The following NRG1 variants were observed in gnomAD, a reference collection of about 807,000 sequenced individuals.
NRG1 encodes neuregulin 1, also known as pro-neuregulin-1, membrane-bound isoform.
A neutral mutation model predicts 63.8 loss-of-function variants in NRG1; 18 were observed. That is an observed-to-expected ratio of 0.28 (90% confidence interval 0.19 to 0.42). NRG1 has a LOEUF of 0.42. NRG1 is among the 10% of genes least tolerant of loss of function. NRG1 has a pLI of 1.00. For synonymous variants in NRG1, 302 were observed against 301.3 expected (o/e 1.00, Z -0.02); for missense variants, 762 against 814.7 (o/e 0.94, Z 0.79).
chr8:32,478,442 C>T (rs531923301), intron 1 of NRG1, among the ~76,000 whole-genome samples: 6 of 152,304 alleles, frequency 3.9e-5, no homozygotes, highest in African/African-American at 7.2e-5. Context: ...GTGTAGGACA[C>T]GCCTATGCTA....
At chr8:32,020,516 T>G (rs992972317) in intron 1 of NRG1, among the ~76,000 whole-genome samples, 3 of 152,176 alleles carry the variant, frequency 2.0e-5, no homozygotes, top group African/African-American at 7.2e-5. Context: ...TAATGTGGAA[T>G]GGGTGATAAT....
Position 32,027,466 on chromosome 8 carries a change from T to TTCCCTCCCTCCC in NRG1, c.37+388045_37+388056dup, listed in dbSNP as rs71208162. Among the ~76,000 whole-genome samples, 420 of 60,808 alleles carry TTCCCTCCCTCCC rather than the reference T, an allele frequency of 6.9e-3. 10 individuals are homozygous for TTCCCTCCCTCCC. Among genetic ancestry groups the TTCCCTCCCTCCC allele is most frequent in the African/African-American group, 0.026 (325 of 12,456 alleles). The allele number at this position is 60,808 out of a possible 152,430, so 39.9% of individuals were successfully genotyped here. On this transcript the variant is annotated intron_variant, in intron 1 of 10. Coordinates refer to the NRG1 transcript ENST00000519301. ...CTTCCTTCCTTCCTTCCTTCCTTCCTTCCCTCCCTCCCTCCCTCCCTAATC... is the reference window on the plus strand; with the variant it reads ...CTTCCTTCCTTCCTTCCTTCCTTCCTTCCCTCCCTCCCTCCCTCCCTCCCTCCCTCCCTAATC...
At chr8:32,055,412 A>G (rs1313663861) in intron 1 of NRG1, among the ~76,000 whole-genome samples, 1 of 152,180 alleles carries the variant, frequency 6.6e-6, no homozygotes, top group Non-Finnish European at 1.5e-5. Context: ...GGGAATTAAT[A>G]TAATAGATTT....
chr8:32,038,673 T>G (rs1416549394), intron 1 of NRG1, among the ~76,000 whole-genome samples: 1 of 152,144 alleles, frequency 6.6e-6, no homozygotes, highest in Admixed American at 6.5e-5. Context: ...GAAATTCTGA[T>G]TCAATACGGA....
intron 1 of NRG1, among the ~76,000 whole-genome samples, chr8:32,420,327 AG>A (rs1816544749): frequency 6.6e-6 from 1 of 152,288 alleles, no homozygotes; most frequent in Non-Finnish European, 1.5e-5. Flanking sequence ...GAGAAAGAAA[AG>A]TTCCAAAAAC....
intron 1 of NRG1, among the ~76,000 whole-genome samples, chr8:31,749,815 C>A (rs969028850): frequency 6.6e-6 from 1 of 151,326 alleles, no homozygotes; most frequent in Non-Finnish European, 1.5e-5. Context: ...TAAGTGTTTG[C>A]AAATTAAGGC....
At chr8:32,490,466 T>G (rs765860431) in intron 1 of NRG1, among the ~76,000 whole-genome samples, 1 of 141,838 alleles carries the variant, frequency 7.1e-6, no homozygotes, top group African/African-American at 2.6e-5. Context: ...GGCATAATGA[T>G]ATGCAGGACT....
At chr8:31,891,172 ACCT>A in intron 1 of NRG1, among the ~76,000 whole-genome samples, 1 of 152,134 alleles carries the variant, frequency 6.6e-6, no homozygotes, top group African/African-American at 2.4e-5. Flanking sequence ...AAAATTAAAA[ACCT>A]TTGCCCTGCA....
chr8:31,763,622 G>A (rs1817764188), intron 1 of NRG1, among the ~76,000 whole-genome samples: 1 of 152,160 alleles, frequency 6.6e-6, no homozygotes, highest in Non-Finnish European at 1.5e-5. Flanking sequence ...TGCTAGATGT[G>A]AGAATGGAAA....
At chr8:31,650,803 T>C (rs1804763027) in intron 1 of NRG1, among the ~76,000 whole-genome samples, 1 of 152,234 alleles carries the variant, frequency 6.6e-6, no homozygotes, top group African/African-American at 2.4e-5. Flanking sequence ...GGTCTTCAGC[T>C]TACTTGCCAG....
intron 1 of NRG1, among the ~76,000 whole-genome samples, chr8:32,240,433 A>G (rs1299137028): frequency 6.6e-6 from 1 of 152,062 alleles, no homozygotes; most frequent in African/African-American, 2.4e-5. Context: ...GTGTGTCCAT[A>G]AAAACGTTGC....
rs542851995 is a variant in NRG1, at chr8:31,879,021, C to CA, written c.37+239597dup. On this transcript the variant is annotated intron_variant, in intron 1 of 10. Transcript: ENST00000519301. ...TCTCAAGAAAAAAAAAACAAACAAACAAAAAAAGGAAGTGGCATCCCATTA... is the reference window on the plus strand; with the variant it reads ...TCTCAAGAAAAAAAAAACAAACAAACAAAAAAAAGGAAGTGGCATCCCATTA... 3.7e-3 allele frequency among the ~76,000 whole-genome samples: 567 copies of CA among 151,814 alleles called. 1 individual carries two copies. Among genetic ancestry groups the CA allele is most frequent in the Middle Eastern group, 0.024 (7 of 294 alleles).
intron 1 of NRG1, among the ~76,000 whole-genome samples, chr8:31,758,608 GTTTTGAGA>G (rs538699038): frequency 4.4e-4 from 67 of 152,198 alleles, no homozygotes; most frequent in Non-Finnish European, 8.4e-4. Context: ...TGGTGTAATG[GTTTTGAGA>G]TTTATCTGGG....
In NRG1 at chr8:32,596,010, G is replaced by A; in HGVS notation, c.278+5G>A. 1 of 1,610,288 alleles carries A rather than the reference G, an allele frequency of 6.2e-7. No homozygotes were observed. Among genetic ancestry groups the A allele is most frequent in the Non-Finnish European group, 8.5e-7 (1 of 1,177,978 alleles). On this transcript the variant is annotated splice_donor_5th_base_variant and intron_variant, in intron 2 of 11. Coordinates refer to ENST00000356819, the Ensembl canonical transcript of NRG1. Reference sequence around the variant, plus strand: ...CAAGATACAAAAAAAGCCAGGGTAAGTATAATGCATAAAATAGTAGAGACT... The same window carrying A: ...CAAGATACAAAAAAAGCCAGGGTAAATATAATGCATAAAATAGTAGAGACT...
chr8:32,694,388 T>G lies in NRG1; in HGVS notation c.503-33561T>G, dbSNP rs574997668. Among the ~76,000 whole-genome samples, 24 of 152,332 alleles carry G rather than the reference T, an allele frequency of 1.6e-4. No homozygotes were observed. In the East Asian group the frequency reaches 4.4e-3, roughly 28 times the overall value. ...CAGAATGTTCTGTATGTAACTCTTC[T>G]GACATTTCAGAGATTGTGTTATTAC... On this transcript the variant is annotated intron_variant, in intron 5 of 11. Transcript: ENST00000356819.
chr8:32,749,594 AATC>A, intron 7 of NRG1: 1 of 1,613,294 alleles, frequency 6.2e-7, no homozygotes, highest in South Asian at 1.1e-5. Flanking sequence ...GGTATGGACC[AATC>A]ATCATTCCTT....
At chr8:31,997,169 A>G (rs1448231681) in intron 1 of NRG1, among the ~76,000 whole-genome samples, 1 of 145,588 alleles carries the variant, frequency 6.9e-6, no homozygotes, top group African/African-American at 2.6e-5. Context: ...TTAAGAAAAT[A>G]CTATATAGTG....
intron 1 of NRG1, among the ~76,000 whole-genome samples, chr8:32,146,494 T>A (rs1836882836): frequency 6.6e-6 from 1 of 152,172 alleles, no homozygotes; most frequent in Non-Finnish European, 1.5e-5. Context: ...ATATTAATGA[T>A]CCCTAATCAA....
chr8:32,066,264 G>T (rs1228874800), intron 1 of NRG1, among the ~76,000 whole-genome samples: 1 of 152,174 alleles, frequency 6.6e-6, no homozygotes, highest in Non-Finnish European at 1.5e-5. Flanking sequence ...CCTTGTCCAT[G>T]CCTATGTCCT....
Sources: allele counts gnomAD v4.1 joint callset (sites outside exome capture counted in the v4.1 genomes callset), GRCh38; gene constraint gnomAD v4.1.1; transcripts MANE v1.5; gene names NCBI Gene and HGNC (gene_info 2026-07-23, HGNC 2026-07-21).